TMPRSS11A: variants seen among roughly 807,000 people sequenced by gnomAD.
TMPRSS11A encodes transmembrane serine protease 11A.
In TMPRSS11A, 53 loss-of-function variants were observed where a neutral mutation model predicts 58.9. The ratio of observed to expected loss-of-function variants is 0.90; its 90% CI spans 0.72 to 1.13. The LOEUF (loss-of-function observed/expected upper bound fraction) is 1.13. TMPRSS11A is among the 50% of genes most tolerant of loss of function. TMPRSS11A has a pLI of 0.00. For synonymous variants in TMPRSS11A, 167 were observed against 169.8 expected (o/e 0.98, Z 0.13); for missense variants, 493 against 499.3 (o/e 0.99, Z 0.12).
chr4:67,911,381 A>G lies in TMPRSS11A; in HGVS notation c.1218T>C (p.Thr406=). ...TTGAAGCAATCCAGTTTCGGTAATAAGTCACTTGTGTGTAGACTCCAGGCT... is the reference window on the plus strand; with the variant it reads ...TTGAAGCAATCCAGTTTCGGTAATAGGTCACTTGTGTGTAGACTCCAGGCT... ...KDKPGVYTQV[T]YYRNWIASKT... The change falls in exon 10 of 10, where the codon ACT becomes ACC. Residue 406 remains threonine, a synonymous_variant. Transcript: ENST00000508048. The G allele has an allele frequency of 6.2e-7, 1 of 1,613,424 alleles. No homozygotes were observed. Among genetic ancestry groups the G allele is most frequent in the East Asian group, 2.2e-5 (1 of 44,854 alleles).
intron 7 of TMPRSS11A, among the ~76,000 whole-genome samples, chr4:67,921,607 C>A (rs1035107042): frequency 1.3e-5 from 2 of 152,124 alleles, no homozygotes; most frequent in Admixed American, 6.5e-5. Context: ...CCATGCCAAG[C>A]CTAGATTCTT....
intron 8 of TMPRSS11A, among the ~76,000 whole-genome samples, chr4:67,918,535 A>G (rs1720220894): frequency 6.6e-6 from 1 of 152,230 alleles, no homozygotes; most frequent in African/African-American, 2.4e-5. Context: ...ATTCTGGCAA[A>G]GAAAAGAAAT....
At chr4:67,960,584 T>C (rs984458775) in intron 1 of TMPRSS11A, among the ~76,000 whole-genome samples, 1 of 152,190 alleles carries the variant, frequency 6.6e-6, no homozygotes, top group African/African-American at 2.4e-5. Flanking sequence ...ATGAGTTTGC[T>C]GAAAACTAAA....
At chr4:67,946,592 C>T (rs1488121413) in intron 1 of TMPRSS11A, 21 bp from the exon 2 acceptor site, 11 of 1,601,676 alleles carry the variant, frequency 6.9e-6, no homozygotes, top group South Asian at 6.8e-5. Context: ...GAAGGGCCCA[C>T]TGGTTACTCT....
At chr4:67,944,461 C>A (rs746987788) in intron 3 of TMPRSS11A, 58 bp downstream of exon 3, 6 of 1,556,320 alleles carry the variant, frequency 3.9e-6, no homozygotes, top group Non-Finnish European at 5.2e-6. Context: ...GAGAAATGAT[C>A]CACAAAATCC....
Position 67,915,541 on chromosome 4 carries a change from C to T in TMPRSS11A, c.953-811G>A, listed in dbSNP as rs187361344. Among the ~76,000 whole-genome samples the T allele has an allele frequency of 2.9e-3, 449 of 152,266 alleles. 4 individuals are homozygous for T. Among genetic ancestry groups the T allele is most frequent in the African/African-American group, 0.01 (430 of 41,556 alleles). On this transcript the variant is annotated intron_variant, in intron 8 of 9. Transcript: ENST00000508048. ...ATATGGCCAAGATGAGGGAATTTTACAGATGCGATTAAGACCTCTAATGAG... is the reference window on the plus strand; with the variant it reads ...ATATGGCCAAGATGAGGGAATTTTATAGATGCGATTAAGACCTCTAATGAG...
rs149276677 is a variant in TMPRSS11A at position 67,922,776 on chromosome 4, G to A, written c.671C>T (p.Thr224Ile). Residue 224 changes from threonine (T) to isoleucine (I), a missense_variant, in exon 7 of 10, where the codon ACT becomes ATT. By Grantham distance (89) the Thr-to-Ile change is moderately conservative (BLOSUM62 -1). Coordinates refer to ENST00000508048, the MANE Select transcript of TMPRSS11A (RefSeq NM_001114387.2). ...TTACTTCTGGAAGCAGTGTGCTGCA[G>A]TGACAAGCCATGTGTTACTAATCAA... ...ATLISNTWLVTAAHCFQKYKN... is the reference protein window; with the variant it reads ...ATLISNTWLVIAAHCFQKYKN... 2 of 1,614,050 alleles carry A rather than the reference G, an allele frequency of 1.2e-6. No individual in the cohort carries two copies. The highest frequency in any genetic ancestry group is 1.7e-6 in the Non-Finnish European group (2 of 1,180,012).
At chr4:67,916,118 A>G (rs1257192687) in intron 8 of TMPRSS11A, among the ~76,000 whole-genome samples, 2 of 152,168 alleles carry the variant, frequency 1.3e-5, no homozygotes, top group African/African-American at 4.8e-5. Flanking sequence ...AAACGCTACA[A>G]GAGTAGATAT....
intron 1 of TMPRSS11A, among the ~76,000 whole-genome samples, chr4:67,960,793 C>G (rs939172752): frequency 6.6e-6 from 1 of 152,058 alleles, no homozygotes; most frequent in South Asian, 2.1e-4. Flanking sequence ...TACAAAGGAC[C>G]TGCCCAGTAC....
chr4:67,922,621 T>A (rs1720359287), intron 7 of TMPRSS11A, 134 bp downstream of exon 7: 1 of 852,200 alleles, frequency 1.2e-6, no homozygotes, highest in African/African-American at 1.7e-5. Context: ...GTAACATTAT[T>A]TTAGAAAAGA....
intron 1 of TMPRSS11A, among the ~76,000 whole-genome samples, chr4:67,962,788 A>G (rs552563088): frequency 1.3e-5 from 2 of 152,306 alleles, no homozygotes; most frequent in Admixed American, 1.3e-4. Context: ...ATACCCAAAT[A>G]ATTCATGTAT....
At chr4:67,935,178 A>T (rs1720721358) in intron 3 of TMPRSS11A, among the ~76,000 whole-genome samples, 1 of 152,188 alleles carries the variant, frequency 6.6e-6, no homozygotes, top group South Asian at 2.1e-4. Context: ...AAAAATAGGG[A>T]ATTTGAGCCT....
At chr4:67,937,035 T>C (rs1393234007) in intron 3 of TMPRSS11A, among the ~76,000 whole-genome samples, 1 of 152,154 alleles carries the variant, frequency 6.6e-6, no homozygotes, top group Non-Finnish European at 1.5e-5. Flanking sequence ...GATTAGTTTA[T>C]GAGAGAGAGA....
chr4:67,953,893 G>A (rs565905946), intron 1 of TMPRSS11A, among the ~76,000 whole-genome samples: 18 of 152,318 alleles, frequency 1.2e-4, no homozygotes, highest in African/African-American at 4.3e-4. Context: ...CTCGTGGTCA[G>A]ATAGGTCAAC....
At chr4:67,952,184 T>C (rs908047162) in intron 1 of TMPRSS11A, among the ~76,000 whole-genome samples, 3 of 152,244 alleles carry the variant, frequency 2.0e-5, no homozygotes, top group Admixed American at 6.5e-5. Context: ...TTATTTGTCA[T>C]CATTTTATAG....
chr4:67,924,624 C>T (rs1293964241), intron 5 of TMPRSS11A, among the ~76,000 whole-genome samples: 1 of 152,154 alleles, frequency 6.6e-6, no homozygotes, highest in Admixed American at 6.5e-5. Flanking sequence ...TTCCATGTGG[C>T]TGGGGAGGCC....
intron 5 of TMPRSS11A, among the ~76,000 whole-genome samples, chr4:67,926,883 G>A (rs960561656): frequency 5.3e-5 from 8 of 152,198 alleles, no homozygotes. Context: ...CCTGCCTGCA[G>A]AGAGGAGATA....
chr4:67,913,813 T>A (rs1335360467), intron 9 of TMPRSS11A, among the ~76,000 whole-genome samples: 1 of 152,218 alleles, frequency 6.6e-6, no homozygotes, highest in Non-Finnish European at 1.5e-5. Context: ...TGGACAGGAC[T>A]TTCTGCCACC....
intron 1 of TMPRSS11A, among the ~76,000 whole-genome samples, chr4:67,955,236 G>C (rs1721256766): frequency 6.6e-6 from 1 of 152,062 alleles, no homozygotes; most frequent in South Asian, 2.1e-4. Context: ...TGTTTAATTA[G>C]TACAATATTA....
Sources: allele counts gnomAD v4.1 joint callset (sites outside exome capture counted in the v4.1 genomes callset), GRCh38; gene constraint gnomAD v4.1.1; transcripts MANE v1.5; gene names NCBI Gene and HGNC (gene_info 2026-07-23, HGNC 2026-07-21).